The following TRIM14 variants were observed in gnomAD, a reference collection of about 807,000 sequenced individuals.
TRIM14 encodes tripartite motif-containing protein 14.
Under a neutral mutation model 44.5 loss-of-function variants are expected in TRIM14, and 28 were observed. That is an observed-to-expected ratio of 0.63 (90% confidence interval 0.47 to 0.86). The LOEUF is 0.86. Among genes scored for constraint, TRIM14 ranks in the 40% least tolerant of loss-of-function variants. TRIM14 has a pLI of 0.00. For missense variants in TRIM14, 607 were observed against 611.1 expected (o/e 0.99, Z 0.07); for synonymous variants, 299 against 269.2 (o/e 1.11, Z -1.08).
rs184615818 is a variant in TRIM14, at chr9:98,085,927, A to G, written c.*1543T>C. The G allele has an allele frequency of 2.0e-5, 3 of 152,196 alleles. No homozygotes were observed. The highest frequency in any genetic ancestry group is 2.9e-5 in the Non-Finnish European group (2 of 68,044). The allele number at this position is 152,196 out of a possible 1,614,324, so 9.4% of individuals were successfully genotyped here. ...TGCTTTAACAGAATATAACTTCAAAACCGTCTAGGGAATTGACAAAACAGG... is the reference window on the plus strand; with the variant it reads ...TGCTTTAACAGAATATAACTTCAAAGCCGTCTAGGGAATTGACAAAACAGG... On this transcript the variant is annotated 3_prime_UTR_variant, in exon 6 of 6. Transcript: ENST00000341469.
At chr9:98,106,743 A>C (rs1826625415) in intron 2 of TRIM14, among the ~76,000 whole-genome samples, 1 of 152,152 alleles carries the variant, frequency 6.6e-6, no homozygotes, top group African/African-American at 2.4e-5. Context: ...CATAGTAAAA[A>C]TGTCAATTCT....
In TRIM14 at chr9:98,117,550, C is replaced by T. The variant is rs988772922; in HGVS notation, c.207+1432G>A. 2.6e-5 allele frequency among the ~76,000 whole-genome samples: 4 copies of T among 152,170 alleles called. No individual in the cohort carries two copies. The East Asian group carries it at 5.8e-4, about 22-fold the overall frequency. Reference sequence around the variant, plus strand: ...CCTCATGTGATCCTCCTGCCTCAGCCTCCCAAAGTGCTGGGATTACAGGCA... The same window carrying T: ...CCTCATGTGATCCTCCTGCCTCAGCTTCCCAAAGTGCTGGGATTACAGGCA... On this transcript the variant is annotated intron_variant, in intron 1 of 5. Transcript: ENST00000341469.
intron 6 of TRIM14, chr9:98,069,828 G>A (rs980440747): frequency 1.3e-5 from 2 of 152,192 alleles, no homozygotes; most frequent in South Asian, 2.1e-4. Context: ...TATGGTGACC[G>A]TGGCAGTGCT....
chr9:98,113,930 A>C (rs1826952912), intron 1 of TRIM14, among the ~76,000 whole-genome samples: 1 of 152,082 alleles, frequency 6.6e-6, no homozygotes, highest in Non-Finnish European at 1.5e-5. Context: ...TGTGTTTTAA[A>C]CCTTTCTTAT....
intron 4 of TRIM14, 49 bp from the exon 5 acceptor site, chr9:98,092,050 C>A (rs1405101406): frequency 1.4e-6 from 2 of 1,438,498 alleles, no homozygotes; most frequent in Admixed American, 1.9e-5. Flanking sequence ...TGCAAGCAGA[C>A]AAATAAGACG....
chr9:98,096,707 T>G (rs1273669983), intron 3 of TRIM14, among the ~76,000 whole-genome samples: 1 of 152,124 alleles, frequency 6.6e-6, no homozygotes, highest in African/African-American at 2.4e-5. Context: ...TCTCTTGACC[T>G]GCCTGTTTCT....
intron 6 of TRIM14, among the ~76,000 whole-genome samples, chr9:98,070,204 G>A (rs1428764578): frequency 6.6e-6 from 1 of 152,080 alleles, no homozygotes; most frequent in African/African-American, 2.4e-5. Context: ...TGTAACCTTC[G>A]CCTCCCAGGT....
chr9:98,082,788 A>G (rs938296039), downstream of TRIM14: 1 of 1,527,316 alleles, frequency 6.5e-7, no homozygotes, highest in African/African-American at 1.4e-5. Context: ...TGTAAAGTAA[A>G]GTAGTGTGCA....
intron 6 of TRIM14, chr9:98,077,995 GA>G: frequency 1.5e-6 from 1 of 666,852 alleles, no homozygotes; most frequent in Admixed American, 3.0e-5. Context: ...TCGGGGGGCA[GA>G]GGGGAGCCCA....
In TRIM14 at chr9:98,087,654, A is replaced by G. The variant is rs1825833733; in HGVS notation, c.1145T>C (p.Leu382Pro). Residue 382 changes from leucine (L) to proline (P), a missense_variant, in exon 6 of 6, where the codon CTG becomes CCG. Physicochemically the swap from Leu to Pro is moderately conservative, Grantham distance 98 (BLOSUM62 -3). Around this residue, in one of 3 missense-constraint regions of TRIM14, gnomAD observed 356 missense variants for 323.0 expected, o/e 1.10. Transcript: ENST00000341469. ...CCGGTCGAGGTCGTCGCGGGGCCGC[A>G]GGCGGCTGCGCTGGCCGTCGTGGAA... Reference protein sequence around the residue: ...WAFHDGQRSRLRPRDDLDRLG... With the variant: ...WAFHDGQRSRPRPRDDLDRLG... 6.2e-7 allele frequency: 1 copy of G among 1,604,076 alleles called. No homozygotes were observed. The highest frequency in any genetic ancestry group is 8.5e-7 in the Non-Finnish European group (1 of 1,178,518).
chr9:98,044,443 G>A, the TRIM14 span, among the ~76,000 whole-genome samples: 61 of 144,428 alleles, frequency 4.2e-4, no homozygotes, highest in Middle Eastern at 3.7e-3. Context: ...GCACCATCTC[G>A]GCTCACTGCA....
downstream of TRIM14, among the ~76,000 whole-genome samples, chr9:98,067,593 C>G (rs1474758428): frequency 6.6e-6 from 1 of 152,078 alleles, no homozygotes; most frequent in Admixed American, 6.6e-5. Flanking sequence ...TTTATATATT[C>G]TTTTGAAATT....
At chr9:98,073,104 C>T (rs114281824) in intron 6 of TRIM14, among the ~76,000 whole-genome samples, 102 of 152,104 alleles carry the variant, frequency 6.7e-4, no homozygotes, top group South Asian at 2.5e-3. Flanking sequence ...GGGACATGCT[C>T]TCCTCACACA....
the TRIM14 span, among the ~76,000 whole-genome samples, chr9:98,055,368 T>C: frequency 6.6e-6 from 1 of 152,162 alleles, no homozygotes; most frequent in African/African-American, 2.4e-5. Context: ...GAGAGGCCAG[T>C]ATGCCAGGAG....
At chr9:98,117,575 A>C (rs569680596) in intron 1 of TRIM14, among the ~76,000 whole-genome samples, 2 of 152,268 alleles carry the variant, frequency 1.3e-5, no homozygotes, top group East Asian at 3.9e-4. Flanking sequence ...GATTACAGGC[A>C]TGAGCCACTG....
At chr9:98,109,714 TG>T (rs1826770883) in intron 2 of TRIM14, among the ~76,000 whole-genome samples, 174 bp downstream of exon 2, 1 of 152,186 alleles carries the variant, frequency 6.6e-6, no homozygotes, top group African/African-American at 2.4e-5. Flanking sequence ...CACCTAATTT[TG>T]TCTGTAATTT....
rs368613099 is a variant in TRIM14, at chr9:98,114,490, C to G, written c.207+4492G>C. Among the ~76,000 whole-genome samples the G allele has an allele frequency of 2.1e-3, 316 of 152,204 alleles. 4 individuals carry two copies. Among genetic ancestry groups the G allele is most frequent in the African/African-American group, 7.2e-3 (299 of 41,516 alleles). ...CTGGGACTACAGGTGCCCGCCACCACGCCTGGCTAATTTTTTTGTATTTTT... is the reference window on the plus strand; with the variant it reads ...CTGGGACTACAGGTGCCCGCCACCAGGCCTGGCTAATTTTTTTGTATTTTT... On this transcript the variant is annotated intron_variant, in intron 1 of 5. Transcript: ENST00000341469.
At chr9:98,096,287 AT>A in intron 3 of TRIM14, among the ~76,000 whole-genome samples, 1 of 152,164 alleles carries the variant, frequency 6.6e-6, no homozygotes, top group Non-Finnish European at 1.5e-5. Context: ...GTCCAACCTC[AT>A]TTTGGTGGGG....
the TRIM14 span, among the ~76,000 whole-genome samples, chr9:98,038,911 G>A: frequency 6.6e-6 from 1 of 152,098 alleles, no homozygotes; most frequent in African/African-American, 2.4e-5. Context: ...TTAGCCAGGT[G>A]TGGTAGCAGG....
Sources: gnomAD v4.1 joint callset for allele counts (sites outside exome capture counted in the v4.1 genomes callset) on GRCh38, gnomAD v4.1.1 for gene constraint, gnomAD v4.1.1 regional missense constraint, MANE v1.5 for transcripts, NCBI Gene and HGNC (gene_info 2026-07-23, HGNC 2026-07-21) for gene names.